PXDNL: variants seen among roughly 807,000 people sequenced by gnomAD.
The protein encoded by PXDNL is probable oxidoreductase PXDNL.
A neutral mutation model predicts 150.8 loss-of-function variants in PXDNL; 145 were observed. The observed-to-expected ratio is 0.96, with a 90% CI of 0.84 to 1.10. The LOEUF (loss-of-function observed/expected upper bound fraction) is 1.10. Ranked by LOEUF, PXDNL falls within the 50% of genes least tolerant of loss-of-function variation. The pLI is 0.00. For synonymous variants in PXDNL, 757 were observed against 725.7 expected (o/e 1.04, Z -0.69); for missense variants, 2,087 against 1,873.9 (o/e 1.11, Z -2.10).
intron 2 of PXDNL, among the ~76,000 whole-genome samples, chr8:51,653,461 T>C (rs1312133008): frequency 1.3e-5 from 2 of 152,086 alleles, no homozygotes; most frequent in African/African-American, 2.4e-5. Flanking sequence ...TTTGGGCCCA[T>C]CCTGAGAAGT....
intron 1 of PXDNL, among the ~76,000 whole-genome samples, chr8:51,808,917 A>G (rs1247257663): frequency 6.6e-6 from 1 of 152,264 alleles, no homozygotes; most frequent in African/African-American, 2.4e-5. Flanking sequence ...GGAAGAATGA[A>G]GACGAGAATT....
intron 4 of PXDNL, among the ~76,000 whole-genome samples, chr8:51,505,828 C>T (rs1247067597): frequency 2.0e-5 from 3 of 152,230 alleles, no homozygotes; most frequent in Non-Finnish European, 2.9e-5. Flanking sequence ...CTCACATCCA[C>T]AGGCTGGGTG....
chr8:51,644,406 A>ATATGTATATATATAGATATG (rs764867335), intron 2 of PXDNL, among the ~76,000 whole-genome samples: 1 of 23,346 alleles, frequency 4.3e-5, no homozygotes, highest in African/African-American at 7.6e-5. Flanking sequence ...ATATATACAC[A>ATATGTATATATATAGATATG]TGTGTGTGTA....
At chr8:51,422,638 T>C (rs1250497314) in intron 14 of PXDNL, among the ~76,000 whole-genome samples, 2 of 152,214 alleles carry the variant, frequency 1.3e-5, no homozygotes, top group Admixed American at 1.3e-4. Context: ...ATTTATGAAA[T>C]TTGTTCATTT....
chr8:51,483,287 G>A (rs945678733), intron 6 of PXDNL, among the ~76,000 whole-genome samples: 3 of 152,220 alleles, frequency 2.0e-5, no homozygotes, highest in Admixed American at 1.3e-4. Flanking sequence ...AGCCTGGCCC[G>A]AGGAGTCAGA....
Position 51,608,836 on chromosome 8 carries a change from CAAAAAAAAAA to C in PXDNL, c.237-16148_237-16139del, listed in dbSNP as rs59195880. Among the ~76,000 whole-genome samples, 7 of 59,596 alleles carry C rather than the reference CAAAAAAAAAA, an allele frequency of 1.2e-4. 1 individual carries two copies. The highest frequency in any genetic ancestry group is 2.3e-4 in the Admixed American group (1 of 4,308). The allele number at this position is 59,596 out of a possible 152,430, so 39.1% of individuals were successfully genotyped here. A position where few individuals can be genotyped will look rare whatever the true frequency, so the allele number is the denominator to read the frequency against. On this transcript the variant is annotated intron_variant, in intron 2 of 22. Coordinates refer to ENST00000356297, the MANE Select transcript of PXDNL (RefSeq NM_144651.5). ...TAGGTGACAGAGCAAGACTCTGTCT[CAAAAAAAAAA>C]AAAAAAAAAAAAAGAAAGTATTGCA...
At chr8:51,321,268 A>C in intron 21 of PXDNL, 1 of 164,532 alleles carries the variant, frequency 6.1e-6, no homozygotes, top group Admixed American at 6.3e-5. Context: ...TTGTCCCCCA[A>C]GTTGTTATAA....
intron 4 of PXDNL, among the ~76,000 whole-genome samples, chr8:51,506,325 G>A (rs1041083472): frequency 3.9e-5 from 6 of 151,994 alleles, no homozygotes; most frequent in Non-Finnish European, 8.8e-5. Context: ...GGCGGATCAC[G>A]AGATCAGGAG....
In PXDNL at chr8:51,509,741, T is replaced by TATATAC. The variant is rs536341095; in HGVS notation, c.381-9972_381-9971insGTATAT. Among the ~76,000 whole-genome samples the TATATAC allele has an allele frequency of 1.7e-3, 245 of 143,328 alleles. 1 individual carries two copies. The highest frequency in any genetic ancestry group is 5.9e-3 in the African/African-American group (230 of 39,100). 94.0% of individuals were successfully genotyped at this position (143,328 alleles called of 152,430 possible). A position where few individuals can be genotyped will look rare whatever the true frequency, so the allele number is the denominator to read the frequency against. On this transcript the variant is annotated intron_variant, in intron 4 of 22. Transcript: ENST00000356297. ...GTGTGTACATATATATATACATATA[T>TATATAC]ACACACACACACACACACACACACA...
At chr8:51,360,863 G>A (rs981009269) in intron 19 of PXDNL, among the ~76,000 whole-genome samples, 4 of 152,200 alleles carry the variant, frequency 2.6e-5, no homozygotes, top group South Asian at 2.1e-4. Context: ...TTTTCTGTCC[G>A]TAAATCTTCT....
At chr8:51,710,424 C>T (rs1264122014) in intron 1 of PXDNL, among the ~76,000 whole-genome samples, 1 of 152,180 alleles carries the variant, frequency 6.6e-6, no homozygotes, top group East Asian at 1.9e-4. Flanking sequence ...TATTACTTCA[C>T]ATATGTATCA....
chr8:51,430,081 T>A (rs1254621304), intron 12 of PXDNL, among the ~76,000 whole-genome samples: 2 of 152,154 alleles, frequency 1.3e-5, no homozygotes, highest in African/African-American at 4.8e-5. Context: ...CTTTGTCTGA[T>A]GTCCTTTATC....
chr8:51,431,482 C>A (rs1362868863), intron 12 of PXDNL, among the ~76,000 whole-genome samples: 1 of 152,158 alleles, frequency 6.6e-6, no homozygotes, highest in African/African-American at 2.4e-5. Flanking sequence ...TTTGTTCAGG[C>A]CCTTAAACAA....
intron 12 of PXDNL, among the ~76,000 whole-genome samples, chr8:51,428,199 A>G (rs1809159881): frequency 6.6e-6 from 1 of 152,220 alleles, no homozygotes; most frequent in Admixed American, 6.5e-5. Context: ...ACTACAAAAT[A>G]CTGAAGTACA....
At position 51,554,705 on chromosome 8, in the gene PXDNL, G is replaced by A. The variant is rs183646552; in HGVS notation, c.380+2135C>T. 4.0e-3 allele frequency among the ~76,000 whole-genome samples: 613 copies of A among 152,226 alleles called. 3 individuals carry two copies. Among genetic ancestry groups the A allele is most frequent in the African/African-American group, 0.014 (577 of 41,550 alleles). Reference sequence around the variant, plus strand: ...ACAATTCAGCCAAGTTATTTGCCACGTTAGAAAATAATGGCCTTTACTCCA... The same window carrying A: ...ACAATTCAGCCAAGTTATTTGCCACATTAGAAAATAATGGCCTTTACTCCA... On this transcript the variant is annotated intron_variant, in intron 4 of 22. Transcript: ENST00000356297.
chr8:51,642,452 C>A (rs1814788004), intron 2 of PXDNL, among the ~76,000 whole-genome samples: 1 of 152,182 alleles, frequency 6.6e-6, no homozygotes, highest in Non-Finnish European at 1.5e-5. Context: ...ACATGATTAT[C>A]TCAATAGATG....
chr8:51,350,354 C>CTTTTTTTTTTTTTTTTTTTT (rs1163628780), intron 19 of PXDNL, among the ~76,000 whole-genome samples: 1 of 77,894 alleles, frequency 1.3e-5, no homozygotes, highest in African/African-American at 5.2e-5. Context: ...AATGCAGCTT[C>CTTTTTTTTTTTTTTTTTTTT]TTTTTTTTTT....
At chr8:51,783,455 T>C (rs1258936090) in intron 1 of PXDNL, among the ~76,000 whole-genome samples, 1 of 152,222 alleles carries the variant, frequency 6.6e-6, no homozygotes, top group Non-Finnish European at 1.5e-5. Flanking sequence ...CCCAGCTAGA[T>C]GCTTTTGATT....
At chr8:51,483,427 C>T (rs1810648994) in intron 6 of PXDNL, among the ~76,000 whole-genome samples, 1 of 152,156 alleles carries the variant, frequency 6.6e-6, no homozygotes, top group Admixed American at 6.5e-5. Context: ...TTCAATACTC[C>T]TTTTGAATGT....
Sources: allele counts gnomAD v4.1 joint callset (sites outside exome capture counted in the v4.1 genomes callset), GRCh38; gene constraint gnomAD v4.1.1; transcripts MANE v1.5; gene names NCBI Gene and HGNC (gene_info 2026-07-23, HGNC 2026-07-21).